The following HS6ST1 variants were observed in gnomAD, a reference collection of about 807,000 sequenced individuals.
HS6ST1 encodes heparan-sulfate 6-O-sulfotransferase 1.
HS6ST1 carries 3 observed loss-of-function variants against 25.2 expected under a neutral mutation model. The observed-to-expected ratio is 0.12, with a 90% confidence interval of 0.05 to 0.31. The LOEUF (loss-of-function observed/expected upper bound fraction) is 0.31. Among genes scored for constraint, HS6ST1 ranks in the 10% least tolerant of loss-of-function variants. The probability of loss-of-function intolerance (pLI) is 1.00; values close to 1 mark genes in which losing one functional copy is unlikely to be tolerated. For synonymous variants in HS6ST1, 204 were observed against 275.1 expected (o/e 0.74, Z 2.56); for missense variants, 310 against 609.6 (o/e 0.51, Z 5.18).
chr2:128,284,788 C>G (rs1200721589), intron 1 of HS6ST1, among the ~76,000 whole-genome samples: 3 of 152,108 alleles, frequency 2.0e-5, no homozygotes, highest in Non-Finnish European at 4.4e-5. Flanking sequence ...GTGCCCAGCC[C>G]CATCGTCCCT....
intron 1 of HS6ST1, among the ~76,000 whole-genome samples, chr2:128,282,799 A>C (rs1417118172): frequency 1.3e-5 from 2 of 152,142 alleles, no homozygotes; most frequent in East Asian, 1.9e-4. Flanking sequence ...ACTGCGGAGG[A>C]GCAGAGGGCC....
At chr2:128,289,303 C>T (rs890344231) in intron 1 of HS6ST1, among the ~76,000 whole-genome samples, 63 of 152,206 alleles carry the variant, frequency 4.1e-4, no homozygotes, top group South Asian at 2.1e-4. Flanking sequence ...TTTATGGCCC[C>T]CCATCAAGCA....
intron 1 of HS6ST1, among the ~76,000 whole-genome samples, chr2:128,276,933 T>C (rs951336890): frequency 6.6e-6 from 1 of 152,028 alleles, no homozygotes; most frequent in South Asian, 2.1e-4. Context: ...AGGGCCCCTG[T>C]GGGTATCAGT....
chr2:128,317,263 G>T (rs1446188134), intron 1 of HS6ST1, among the ~76,000 whole-genome samples: 1 of 152,218 alleles, frequency 6.6e-6, no homozygotes, highest in Non-Finnish European at 1.5e-5. Flanking sequence ...TGGGGCTGGG[G>T]GACCCCAGAG....
chr2:128,267,896 C>T lies in HS6ST1; in HGVS notation c.*266G>A. 1.7e-6 allele frequency: 1 copy of T among 584,966 alleles called. No individual in the cohort carries two copies. Among genetic ancestry groups the T allele is most frequent in the South Asian group, 2.1e-5 (1 of 46,870 alleles). 36.2% of individuals were successfully genotyped at this position (584,966 alleles called of 1,614,324 possible). A position where few individuals can be genotyped will look rare whatever the true frequency, so the allele number is the denominator to read the frequency against. On this transcript the variant is annotated 3_prime_UTR_variant, in exon 2 of 2. Coordinates refer to ENST00000259241, the MANE Select transcript of HS6ST1 (RefSeq NM_004807.3). ...GAGGCCAGGAGAGCAGCTCCAGGCA[C>T]AACACCTGCTCTGGAGGCCCTGCCC... is the stretch of plus-strand genomic sequence containing the variant.
At chr2:128,270,697 C>T (rs1456347913) in intron 1 of HS6ST1, among the ~76,000 whole-genome samples, 1 of 152,234 alleles carries the variant, frequency 6.6e-6, no homozygotes, top group East Asian at 1.9e-4. Flanking sequence ...CATAGGGCCG[C>T]ATGGACCTCC....
chr2:128,274,294 A>T (rs1693657831), intron 1 of HS6ST1, among the ~76,000 whole-genome samples: 1 of 151,992 alleles, frequency 6.6e-6, no homozygotes, highest in Non-Finnish European at 1.5e-5. Flanking sequence ...TAAAAAGTTG[A>T]CCCTTGAAGC....
chr2:128,312,848 TC>T (rs1172772977), intron 1 of HS6ST1, among the ~76,000 whole-genome samples: 1 of 152,050 alleles, frequency 6.6e-6, no homozygotes, highest in Non-Finnish European at 1.5e-5. Flanking sequence ...TCACCTGAGG[TC>T]CCGAGTTCGA....
intron 1 of HS6ST1, among the ~76,000 whole-genome samples, chr2:128,277,908 C>T (rs1693719771): frequency 6.6e-6 from 1 of 152,370 alleles, no homozygotes; most frequent in Non-Finnish European, 1.5e-5. Flanking sequence ...GGTTTAATGC[C>T]TTCTGTGACC....
chr2:128,304,061 C>T (rs1024165720), intron 1 of HS6ST1, among the ~76,000 whole-genome samples: 30 of 152,228 alleles, frequency 2.0e-4, no homozygotes, highest in African/African-American at 6.0e-4. Context: ...TGGGACCTAA[C>T]ACCACAGCCC....
chr2:128,277,441 T>C (rs1348610867), intron 1 of HS6ST1, among the ~76,000 whole-genome samples: 2 of 152,184 alleles, frequency 1.3e-5, no homozygotes, highest in Non-Finnish European at 2.9e-5. Context: ...GGAGACCCTG[T>C]CTGCACCACT....
At chr2:128,308,183 T>C (rs1268390905) in intron 1 of HS6ST1, among the ~76,000 whole-genome samples, 1 of 152,184 alleles carries the variant, frequency 6.6e-6, no homozygotes, top group East Asian at 1.9e-4. Context: ...ACAGTGGTGC[T>C]GAGCGAGGCT....
chr2:128,284,522 G>A (rs1189391742), intron 1 of HS6ST1, among the ~76,000 whole-genome samples: 1 of 29,002 alleles, frequency 3.4e-5, no homozygotes, highest in Admixed American at 5.1e-4. Flanking sequence ...TTTTTTTTGA[G>A]ACGGAGTCTT....
At chr2:128,294,219 C>G (rs1056886224) in intron 1 of HS6ST1, among the ~76,000 whole-genome samples, 10 of 152,232 alleles carry the variant, frequency 6.6e-5, no homozygotes, top group Non-Finnish European at 1.0e-4. Flanking sequence ...ACGCCCTGTG[C>G]CCGGCCCTGG....
At chr2:128,298,781 C>T (rs1366300645) in intron 1 of HS6ST1, among the ~76,000 whole-genome samples, 1 of 152,146 alleles carries the variant, frequency 6.6e-6, no homozygotes, top group East Asian at 1.9e-4. Context: ...GAACTGTACA[C>T]TCAAAAATGG....
Position 128,314,571 on chromosome 2 carries a change from G to T in HS6ST1, c.527+3466C>A, listed in dbSNP as rs1224173375. On this transcript the variant is annotated intron_variant, in intron 1 of 1. Coordinates refer to ENST00000259241, the MANE Select transcript of HS6ST1 (RefSeq NM_004807.3). ...GAGAGGAGAGCAGGCACACCAGGTG[G>T]ACGGCACACAGGTCCAGCACCAGGC... Among the ~76,000 whole-genome samples the T allele has an allele frequency of 2.6e-5, 4 of 152,334 alleles. No homozygotes were observed. In the East Asian group the frequency reaches 7.7e-4, roughly 29 times the overall value.
chr2:128,274,253 A>G (rs1693657477), intron 1 of HS6ST1, among the ~76,000 whole-genome samples: 1 of 152,140 alleles, frequency 6.6e-6, no homozygotes, highest in African/African-American at 2.4e-5. Flanking sequence ...CCAAGTGCCG[A>G]GCAAATGAAT....
intron 1 of HS6ST1, among the ~76,000 whole-genome samples, chr2:128,315,197 T>C (rs531387012): frequency 6.6e-6 from 1 of 152,328 alleles, no homozygotes; most frequent in East Asian, 1.9e-4. Context: ...AATGCTCTGC[T>C]CACTCTTGTT....
At chr2:128,304,877 G>A (rs1694184958) in intron 1 of HS6ST1, among the ~76,000 whole-genome samples, 1 of 152,220 alleles carries the variant, frequency 6.6e-6, no homozygotes. Context: ...GCTGCACTGG[G>A]GAGGGCGGGT....
Sources: allele counts gnomAD v4.1 joint callset (sites outside exome capture counted in the v4.1 genomes callset), GRCh38; gene constraint gnomAD v4.1.1; transcripts MANE v1.5; gene names NCBI Gene and HGNC (gene_info 2026-07-23, HGNC 2026-07-21).